TLL2: variants seen among roughly 807,000 people sequenced by gnomAD.
The protein encoded by TLL2 is tolloid like 2, also known as tolloid-like protein 2.
Under a neutral mutation model 123.0 loss-of-function variants are expected in TLL2, and 106 were observed. That is an observed-to-expected ratio of 0.86 (90% confidence interval 0.74 to 1.01). The LOEUF is 1.01. Among genes scored for constraint, TLL2 ranks in the 50% least tolerant of loss-of-function variants. TLL2 has a pLI of 0.00. For missense variants in TLL2, 1,332 were observed against 1,336.7 expected (o/e 1.00, Z 0.06); for synonymous variants, 494 against 516.8 (o/e 0.96, Z 0.60).
chr10:96,432,935 T>G lies in TLL2; in HGVS notation c.392A>C (p.His131Pro), dbSNP rs777877609. ...KDGRENTTLL[H>P]SPGTLHAAAK... ...TGCGGCATGCAAGGTCCCAGGGCTG[T>G]GCAGGAGTGTGGTATTCTCCCGGCC... is the stretch of plus-strand genomic sequence containing the variant. Residue 131 changes from histidine (H) to proline (P), a missense_variant, in exon 4 of 21, where the codon CAC becomes CCC. Coordinates refer to ENST00000357947, the MANE Select transcript of TLL2 (RefSeq NM_012465.4). The G allele has an allele frequency of 6.2e-7, 1 of 1,614,008 alleles. No individual in the cohort carries two copies. Among genetic ancestry groups the G allele is most frequent in the South Asian group, 1.1e-5 (1 of 91,048 alleles).
Position 96,368,440 on chromosome 10 carries a change from C to T in TLL2, c.2914-218G>A, listed in dbSNP as rs527302736. On this transcript the variant is annotated intron_variant, in intron 20 of 20. Transcript: ENST00000357947. ...GCTCTTCCAAAGATGATCCTAGGTG[C>T]ATAGCTCATATAGAATCTATTATTT... Among the ~76,000 whole-genome samples, 56 of 152,304 alleles carry T rather than the reference C, an allele frequency of 3.7e-4. 1 individual carries two copies. The South Asian group carries it at 0.011, about 29-fold the overall frequency.
intron 18 of TLL2, among the ~76,000 whole-genome samples, chr10:96,376,384 A>C (rs188870255): frequency 6.6e-6 from 1 of 152,378 alleles, no homozygotes; most frequent in Admixed American, 6.5e-5. Flanking sequence ...CTTGTAAAAA[A>C]TTAAAACTGG....
intron 12 of TLL2, 60 bp downstream of exon 12, chr10:96,395,815 G>A (rs1349050263): frequency 6.2e-7 from 1 of 1,602,890 alleles, no homozygotes; most frequent in Non-Finnish European, 8.5e-7. Context: ...TCTTTACAGA[G>A]TGGAGGATGT....
rs1329581821 is a variant in TLL2, at chr10:96,379,092, T to C, written c.2195A>G (p.Asp732Gly). ...GTTGTCCTTGGCACACTCGTCCTTA[T>C]CTGGGGAGATCAATGAACTCTTCTA... ...KRGFRAHFFS[D>G]KDECAKDNGG... Residue 732 changes from aspartate to glycine, a missense_variant and splice_region_variant, in exon 17 of 21, where the codon GAT becomes GGT. Asp to Gly is a moderately conservative substitution (Grantham distance 94, BLOSUM62 -1). Coordinates refer to ENST00000357947, the MANE Select transcript of TLL2 (RefSeq NM_012465.4). 1.5e-5 allele frequency: 25 copies of C among 1,613,298 alleles called. No individual in the cohort carries two copies. The highest frequency in any genetic ancestry group is 2.1e-5 in the Non-Finnish European group (25 of 1,179,430).
intron 1 of TLL2, among the ~76,000 whole-genome samples, chr10:96,493,146 G>C (rs549884179): frequency 8.5e-5 from 13 of 152,320 alleles, no homozygotes; most frequent in African/African-American, 3.1e-4. Context: ...GCAAACCCGT[G>C]CAATGTGCAT....
At chr10:96,496,503 T>C (rs1046798484) in intron 1 of TLL2, among the ~76,000 whole-genome samples, 1 of 152,254 alleles carries the variant, frequency 6.6e-6, no homozygotes, top group African/African-American at 2.4e-5. Flanking sequence ...CCCTGCCCTC[T>C]GCCTTGGCTG....
At position 96,378,985 on chromosome 10, in the gene TLL2, C is replaced by A; in HGVS notation, c.2302G>T (p.Gly768Trp). 1 of 1,614,218 alleles carries A rather than the reference C, an allele frequency of 6.2e-7. No individual in the cohort carries two copies. The highest frequency in any genetic ancestry group is 1.3e-5 in the African/African-American group (1 of 75,068). The change falls in exon 17 of 21, where the codon GGG (glycine) becomes TGG (tryptophan). Residue 768 changes from glycine to tryptophan, a missense_variant. Transcript: ENST00000357947. Reference sequence around the variant, plus strand: ...GCCTCACCCTCTTTGCAGTCATGCCCATTCTCGTGGAGCCAGTAGCCGTTT... The same window carrying A: ...GCCTCACCCTCTTTGCAGTCATGCCAATTCTCGTGGAGCCAGTAGCCGTTT... ...CRNGYWLHEN[G>W]HDCKEAGCAH...
chr10:96,418,342 G>A (rs544346028), intron 7 of TLL2, among the ~76,000 whole-genome samples: 4 of 152,344 alleles, frequency 2.6e-5, no homozygotes, highest in African/African-American at 9.6e-5. Flanking sequence ...CACGGAGCAG[G>A]CGGTGAGAAG....
intron 10 of TLL2, among the ~76,000 whole-genome samples, chr10:96,398,701 G>A (rs934948802): frequency 6.6e-6 from 1 of 151,942 alleles, no homozygotes; most frequent in Non-Finnish European, 1.5e-5. Flanking sequence ...TTACTGAATG[G>A]TTCAGAACAC....
At chr10:96,409,589 T>A (rs1334639081) in intron 9 of TLL2, among the ~76,000 whole-genome samples, 2 of 152,204 alleles carry the variant, frequency 1.3e-5, no homozygotes, top group African/African-American at 4.8e-5. Context: ...AAATTCCTTA[T>A]CCAGATAATG....
At chr10:96,429,355 A>T (rs1409616176) in intron 4 of TLL2, among the ~76,000 whole-genome samples, 1 of 93,916 alleles carries the variant, frequency 1.1e-5, no homozygotes, top group East Asian at 3.5e-4. Context: ...TTGTCAATTA[A>T]ATATTTTCAA....
At chr10:96,437,256 T>G (rs991826473) in intron 3 of TLL2, among the ~76,000 whole-genome samples, 1 of 152,332 alleles carries the variant, frequency 6.6e-6, no homozygotes, top group South Asian at 2.1e-4. Flanking sequence ...GAAGTTGTAA[T>G]AAATAATACA....
At chr10:96,382,678 C>G (rs1846196537) in intron 16 of TLL2, among the ~76,000 whole-genome samples, 2 of 152,236 alleles carry the variant, frequency 1.3e-5, no homozygotes, top group Non-Finnish European at 2.9e-5. Flanking sequence ...GCCGCTCTTT[C>G]TCACCCATGT....
chr10:96,421,723 G>C (rs1462595228), intron 6 of TLL2, among the ~76,000 whole-genome samples: 1 of 150,986 alleles, frequency 6.6e-6, no homozygotes. Context: ...TGTAATCCCA[G>C]CTACTTAGGA....
At chr10:96,393,082 T>C (rs928744875) in intron 13 of TLL2, among the ~76,000 whole-genome samples, 1 of 152,218 alleles carries the variant, frequency 6.6e-6, no homozygotes, top group African/African-American at 2.4e-5. Flanking sequence ...TTCAGGCAGC[T>C]CCTAGAAGCT....
intron 8 of TLL2, among the ~76,000 whole-genome samples, chr10:96,412,887 A>T: frequency 6.6e-6 from 1 of 152,016 alleles, no homozygotes; most frequent in Non-Finnish European, 1.5e-5. Context: ...ACTGCATTAC[A>T]CCCCTATTTA....
At chr10:96,483,804 C>T (rs988099215) in intron 1 of TLL2, among the ~76,000 whole-genome samples, 3 of 152,072 alleles carry the variant, frequency 2.0e-5, no homozygotes, top group African/African-American at 7.2e-5. Flanking sequence ...AATTATACTT[C>T]CCCCTCTCTC....
In TLL2 at chr10:96,366,965, A is replaced by C. The variant is rs1228422634; in HGVS notation, c.*1123T>G. 1 of 152,634 alleles carries C rather than the reference A, an allele frequency of 6.6e-6. No individual in the cohort carries two copies. The highest frequency in any genetic ancestry group is 2.4e-5 in the African/African-American group (1 of 41,462). The allele number at this position is 152,634 out of a possible 1,614,324, so 9.5% of individuals were successfully genotyped here. ...TCTAGAACAAGTGCCAAGTGTTATG[A>C]ATTCTGTTTGCAAGTTGGTGATTGA... On this transcript the variant is annotated 3_prime_UTR_variant, in exon 21 of 21. Coordinates refer to ENST00000357947, the MANE Select transcript of TLL2 (RefSeq NM_012465.4).
At chr10:96,373,898 G>T in intron 18 of TLL2, 89 bp from the exon 19 acceptor site, 1 of 1,202,900 alleles carries the variant, frequency 8.3e-7, no homozygotes, top group East Asian at 2.4e-5. Flanking sequence ...AGGAAGGGGC[G>T]AGGCAGTGCA....
Sources: allele counts gnomAD v4.1 joint callset (sites outside exome capture counted in the v4.1 genomes callset), GRCh38; gene constraint gnomAD v4.1.1; transcripts MANE v1.5; gene names NCBI Gene and HGNC (gene_info 2026-07-23, HGNC 2026-07-21).